TRIM41: variants seen among roughly 807,000 people sequenced by gnomAD.
The protein encoded by TRIM41 is tripartite motif containing 41, also known as E3 ubiquitin-protein ligase TRIM41.
A neutral mutation model predicts 60.6 loss-of-function variants in TRIM41; 21 were observed. The observed-to-expected ratio is 0.35, with a 90% confidence interval of 0.25 to 0.50. The LOEUF is 0.50. Ranked by LOEUF, TRIM41 falls within the 20% of genes least tolerant of loss-of-function variation. The probability of loss-of-function intolerance (pLI) is 0.98; values close to 1 mark genes in which losing one functional copy is unlikely to be tolerated. For missense variants in TRIM41, 846 were observed against 868.3 expected (o/e 0.97, Z 0.32); for synonymous variants, 407 against 344.9 (o/e 1.18, Z -2.00).
chr5:181,234,843 A>G lies in TRIM41; in HGVS notation c.*68A>G, dbSNP rs370680709. The stretch of plus-strand genomic sequence containing the variant: ...GGTGGGTGGTGGAGGGTGGCCCGTA[A>G]GTTTGAGGGCTCAAAGGCTCTTCCC... On this transcript the variant is annotated 3_prime_UTR_variant, in exon 6 of 6. Coordinates refer to ENST00000315073, the MANE Select transcript of TRIM41 (RefSeq NM_033549.5). This position sits in a 1 kb window ranked among gnomAD's most constrained non-coding sequence, Gnocchi z 5.6. 5.0e-6 allele frequency: 8 copies of G among 1,607,554 alleles called. No individual in the cohort carries two copies. In the African/African-American group the frequency reaches 1.1e-4, roughly 22 times the overall value.
rs370432138 is a variant in TRIM41 at position 181,233,603 on chromosome 5, G to C, written c.1164-33G>C. ...TTGCTTTTCCCTCTGGGAATATCGT[G>C]GTCCCACCCCCTGCCCGGTCCCCTT... On this transcript the variant is annotated intron_variant, in intron 4 of 5. Transcript: ENST00000315073. The surrounding 1 kb of genome is among the most constrained non-coding windows in gnomAD (Gnocchi z 4.1). The C allele has an allele frequency of 4.7e-5, 75 of 1,612,414 alleles. No individual in the cohort carries two copies. Among genetic ancestry groups the C allele is most frequent in the Non-Finnish European group, 6.1e-5 (72 of 1,178,902 alleles).
At position 181,233,171 on chromosome 5, in the gene TRIM41, G is replaced by A. The variant is rs182050690; in HGVS notation, c.1141-242G>A. ...GACAGTGACATCCTGAAAAAGGTGAGCAAGTCGTATTGTGGAAATGACAGT... is the reference window on the plus strand; with the variant it reads ...GACAGTGACATCCTGAAAAAGGTGAACAAGTCGTATTGTGGAAATGACAGT... On this transcript the variant is annotated intron_variant, in intron 3 of 5. Transcript: ENST00000315073. The surrounding 1 kb of genome is among the most constrained non-coding windows in gnomAD (Gnocchi z 4.1). 2.8e-6 allele frequency: 2 copies of A among 713,774 alleles called. No homozygotes were observed. The highest frequency in any genetic ancestry group is 5.1e-6 in the Non-Finnish European group (2 of 393,858). 44.2% of individuals were successfully genotyped at this position (713,774 alleles called of 1,614,324 possible).
Position 181,223,540 on chromosome 5 carries a change from G to C in TRIM41, c.-460G>C, listed in dbSNP as rs980445756. The C allele has an allele frequency of 2.0e-5, 9 of 445,966 alleles. No homozygotes were observed. The highest frequency in any genetic ancestry group is 3.8e-5 in the Admixed American group (1 of 26,328). The allele number at this position is 445,966 out of a possible 1,614,324, so 27.6% of individuals were successfully genotyped here. ...CCGCCCTGTTCTCTAGTGCGGACTA[G>C]AGCGTCTCCTCGCCATTTCCTGTCG... On this transcript the variant is annotated 5_prime_UTR_variant, in exon 1 of 6. An upstream open reading frame in the 5' UTR loses its in-frame stop. Coordinates refer to ENST00000315073, the MANE Select transcript of TRIM41 (RefSeq NM_033549.5).
At position 181,225,093 on chromosome 5, in the gene TRIM41, A is replaced by G. The variant is rs1161996072; in HGVS notation, c.813+281A>G. On this transcript the variant is annotated intron_variant, in intron 1 of 5. Coordinates refer to ENST00000315073, the MANE Select transcript of TRIM41 (RefSeq NM_033549.5). ...GATCAGGTCTCTAGGGCTTTACCAG[A>G]AGTCTCGTTTTCTTTCGGGTGAGTC... is the stretch of plus-strand genomic sequence containing the variant. The G allele has an allele frequency of 9.8e-6, 5 of 510,382 alleles. No individual in the cohort carries two copies. In the South Asian group the frequency reaches 1.1e-4, roughly 11 times the overall value. 31.6% of individuals were successfully genotyped at this position (510,382 alleles called of 1,614,324 possible). A position where few individuals can be genotyped will look rare whatever the true frequency, so the allele number is the denominator to read the frequency against.
chr5:181,224,952 T>TA (rs1758482979), intron 1 of TRIM41, 140 bp downstream of exon 1: 2 of 1,021,186 alleles, frequency 2.0e-6, no homozygotes, highest in Non-Finnish European at 1.5e-6. Flanking sequence ...TCTAAGCACT[T>TA]ACTGCCACCA....
Position 181,235,509 on chromosome 5 carries a change from C to A in TRIM41, c.*734C>A. 1 of 1,369,556 alleles carries A rather than the reference C, an allele frequency of 7.3e-7. No individual in the cohort carries two copies. Among genetic ancestry groups the A allele is most frequent in the Non-Finnish European group, 1.0e-6 (1 of 991,022 alleles). The allele number at this position is 1,369,556 out of a possible 1,614,324, so 84.8% of individuals were successfully genotyped here. A position where few individuals can be genotyped will look rare whatever the true frequency, so the allele number is the denominator to read the frequency against. ...ACTCAACCAAGGAGCAAAGCTCATCCCACCCCACACCCCTCCCAGGTCTGC... is the reference window on the plus strand; with the variant it reads ...ACTCAACCAAGGAGCAAAGCTCATCACACCCCACACCCCTCCCAGGTCTGC... On this transcript the variant is annotated 3_prime_UTR_variant, in exon 6 of 6. Coordinates refer to ENST00000315073, the MANE Select transcript of TRIM41 (RefSeq NM_033549.5).
Position 181,234,340 on chromosome 5 carries a change from C to A in TRIM41, c.1458C>A (p.His486Gln). The A allele has an allele frequency of 2.5e-6, 4 of 1,610,576 alleles. No homozygotes were observed. Among genetic ancestry groups the A allele is most frequent in the Non-Finnish European group, 3.4e-6 (4 of 1,178,986 alleles). ...CCCAGGGCTTCCGCTCCGGCCGGCACTACTGGGAGGTAGAGGTGGGCGGGC... is the reference window on the plus strand; with the variant it reads ...CCCAGGGCTTCCGCTCCGGCCGGCAATACTGGGAGGTAGAGGTGGGCGGGC... ...LGAQGFRSGRHYWEVEVGGRR... is the reference protein window; with the variant it reads ...LGAQGFRSGRQYWEVEVGGRR... Residue 486 changes from histidine to glutamine, a missense_variant, in exon 6 of 6, where the codon CAC becomes CAA. Coordinates refer to ENST00000315073, the MANE Select transcript of TRIM41 (RefSeq NM_033549.5). The surrounding 1 kb of genome is among the most constrained non-coding windows in gnomAD (Gnocchi z 5.6).
intron 1 of TRIM41, 109 bp downstream of exon 1, chr5:181,224,921 T>C (rs756778615): frequency 7.5e-6 from 11 of 1,475,998 alleles, no homozygotes; most frequent in Non-Finnish European, 9.3e-6. Flanking sequence ...CCTCATGGTA[T>C]TGGTGAGCCA....
At chr5:181,232,594 C>T in intron 2 of TRIM41, 65 bp from the exon 3 acceptor site, 5 of 1,507,990 alleles carry the variant, frequency 3.3e-6, no homozygotes, top group Non-Finnish European at 4.5e-6. Context: ...GTAGTAGTTG[C>T]AAAACTGGAG....
At chr5:181,232,493 T>A in intron 2 of TRIM41, 166 bp from the exon 3 acceptor site, 1 of 628,502 alleles carries the variant, frequency 1.6e-6, no homozygotes, top group Non-Finnish European at 2.7e-6. Flanking sequence ...AGCAAGGGGG[T>A]GGTATCTGGT....
Position 181,235,582 on chromosome 5 carries a change from C to G in TRIM41, c.*807C>G, listed in dbSNP as rs939508323. On this transcript the variant is annotated 3_prime_UTR_variant, in exon 6 of 6. Coordinates refer to ENST00000315073, the MANE Select transcript of TRIM41 (RefSeq NM_033549.5). Reference sequence around the variant, plus strand: ...TTTGTTCAGTGGAGCTGGCTTTTCTCCCAGCCCCTTTCCATGCCTTTCACT... The same window carrying G: ...TTTGTTCAGTGGAGCTGGCTTTTCTGCCAGCCCCTTTCCATGCCTTTCACT... 5.3e-6 allele frequency: 4 copies of G among 758,812 alleles called. No individual in the cohort carries two copies. The highest frequency in any genetic ancestry group is 8.5e-6 in the Non-Finnish European group (4 of 472,942). The allele number at this position is 758,812 out of a possible 1,614,324, so 47.0% of individuals were successfully genotyped here. A position where few individuals can be genotyped will look rare whatever the true frequency, so the allele number is the denominator to read the frequency against.
rs1758999864 is a variant in TRIM41, at chr5:181,234,791, C to T, written c.*16C>T. The stretch of plus-strand genomic sequence containing the variant: ...CTGCCCTTGATTATCCTGCCACCCG[C>T]AGGGGCCCCTCTGTCAGCACTTGGG... On this transcript the variant is annotated 3_prime_UTR_variant, in exon 6 of 6. Transcript: ENST00000315073. The surrounding 1 kb of genome is among the most constrained non-coding windows in gnomAD (Gnocchi z 5.6). The T allele has an allele frequency of 1.9e-6, 3 of 1,606,912 alleles. No individual in the cohort carries two copies. The highest frequency in any genetic ancestry group is 1.7e-6 in the Non-Finnish European group (2 of 1,176,026).
chr5:181,230,368 G>T (rs2113169205), intron 1 of TRIM41: 2 of 162,600 alleles, frequency 1.2e-5, no homozygotes, highest in Admixed American at 1.2e-4. Flanking sequence ...GTGGTGGTGG[G>T]CACCTGTAGT....
intron 1 of TRIM41, chr5:181,227,317 A>C (rs1032139641): frequency 6.6e-6 from 1 of 152,144 alleles, no homozygotes; most frequent in Non-Finnish European, 1.5e-5. Context: ...TTTCTGACTT[A>C]ATAGGCTATT....
rs947386236 is a variant in TRIM41 at position 181,234,027 on chromosome 5, G to A, written c.1292-147G>A. On this transcript the variant is annotated intron_variant, in intron 5 of 5. Coordinates refer to ENST00000315073, the MANE Select transcript of TRIM41 (RefSeq NM_033549.5). The surrounding 1 kb of genome is among the most constrained non-coding windows in gnomAD (Gnocchi z 5.6). Reference sequence around the variant, plus strand: ...TCCTAGGAACAAGAGTGAGGAGCAAGATGAGCCTGCAGGAATCTGAGGCTG... The same window carrying A: ...TCCTAGGAACAAGAGTGAGGAGCAAAATGAGCCTGCAGGAATCTGAGGCTG... 86 of 1,412,488 alleles carry A rather than the reference G, an allele frequency of 6.1e-5. No individual in the cohort carries two copies. The highest frequency in any genetic ancestry group is 1.8e-5 in the Non-Finnish European group (18 of 1,025,440). The allele number at this position is 1,412,488 out of a possible 1,614,324, so 87.5% of individuals were successfully genotyped here. A position where few individuals can be genotyped will look rare whatever the true frequency, so the allele number is the denominator to read the frequency against.
At position 181,234,973 on chromosome 5, in the gene TRIM41, C is replaced by T. The variant is rs752111927; in HGVS notation, c.*198C>T. 9.3e-6 allele frequency: 15 copies of T among 1,614,130 alleles called. No individual in the cohort carries two copies. The South Asian group carries it at 1.6e-4, about 18-fold the overall frequency. On this transcript the variant is annotated 3_prime_UTR_variant, in exon 6 of 6. Coordinates refer to ENST00000315073, the MANE Select transcript of TRIM41 (RefSeq NM_033549.5). This position sits in a 1 kb window ranked among gnomAD's most constrained non-coding sequence, Gnocchi z 5.6. ...CCTGGCCTCCAGCTCAGCCTTCTCTCACCTACTATGTCTGTCCAACAGGTC... is the reference window on the plus strand; with the variant it reads ...CCTGGCCTCCAGCTCAGCCTTCTCTTACCTACTATGTCTGTCCAACAGGTC...
rs532920762 is a variant in TRIM41 at position 181,234,849 on chromosome 5, A to G, written c.*74A>G. ...TGGTGGAGGGTGGCCCGTAAGTTTGAGGGCTCAAAGGCTCTTCCCACTGCT... is the reference window on the plus strand; with the variant it reads ...TGGTGGAGGGTGGCCCGTAAGTTTGGGGGCTCAAAGGCTCTTCCCACTGCT... On this transcript the variant is annotated 3_prime_UTR_variant, in exon 6 of 6. Coordinates refer to ENST00000315073, the MANE Select transcript of TRIM41 (RefSeq NM_033549.5). The surrounding 1 kb of genome is among the most constrained non-coding windows in gnomAD (Gnocchi z 5.6). 1.4e-4 allele frequency: 233 copies of G among 1,607,894 alleles called. No individual in the cohort carries two copies. The African/African-American group carries it at 2.8e-3, about 20-fold the overall frequency.
rs1231749605 is a variant in TRIM41 at position 181,234,694 on chromosome 5, C to T, written c.1812C>T (p.Phe604=). 1.9e-6 allele frequency: 3 copies of T among 1,614,234 alleles called. No individual in the cohort carries two copies. The highest frequency in any genetic ancestry group is 1.7e-5 in the Admixed American group (1 of 60,020). The part of the protein sequence containing the change: ...NAETLAHVHT[F]SAAFLGERVF... ...AGACTCTAGCCCACGTGCACACCTT[C>T]TCGGCTGCCTTCCTGGGCGAGCGTG... The change falls in exon 6 of 6, where the codon TTC becomes TTT. Residue 604 remains phenylalanine (F), a synonymous_variant. Transcript: ENST00000315073. The surrounding 1 kb of genome is among the most constrained non-coding windows in gnomAD (Gnocchi z 5.6).
chr5:181,232,507 G>T, intron 2 of TRIM41, 152 bp from the exon 3 acceptor site: 2 of 696,132 alleles, frequency 2.9e-6, no homozygotes, highest in Non-Finnish European at 4.7e-6. Flanking sequence ...ATCTGGTAAG[G>T]CTGGTAGGGG....
Sources: allele counts gnomAD v4.1 joint callset, GRCh38; gene constraint gnomAD v4.1.1; non-coding constraint Gnocchi (gnomAD v3.1); transcripts MANE v1.5; gene names NCBI Gene and HGNC (gene_info 2026-07-23, HGNC 2026-07-21).